NDUFV3: variants seen among roughly 807,000 people sequenced by gnomAD.
NDUFV3 encodes NADH:ubiquinone oxidoreductase subunit V3.
In NDUFV3, 44 loss-of-function variants were observed where a neutral mutation model predicts 37.5. The observed-to-expected ratio is 1.17, with a 90% CI of 0.92 to 1.51. The LOEUF (loss-of-function observed/expected upper bound fraction) is 1.51, where lower values mean the gene tolerates loss of function less well. NDUFV3 is among the 40% of genes most tolerant of loss of function. The pLI is 0.00. For missense variants in NDUFV3, 580 were observed against 580.4 expected (o/e 1.00, Z 0.01); for synonymous variants, 235 against 239.3 (o/e 0.98, Z 0.17).
intron 2 of NDUFV3, among the ~76,000 whole-genome samples, chr21:42,898,506 G>C (rs2058704347): frequency 6.6e-6 from 1 of 151,762 alleles, no homozygotes; most frequent in Admixed American, 6.6e-5. Flanking sequence ...GTCTTGCTCT[G>C]TCACCCAGGC....
chr21:42,896,613 C>A (rs753544926), intron 1 of NDUFV3, among the ~76,000 whole-genome samples: 9 of 151,982 alleles, frequency 5.9e-5, no homozygotes, highest in Non-Finnish European at 7.4e-5. Context: ...GCTTCAGGAT[C>A]GCTTGAGGCC....
chr21:42,912,268 T>C lies in NDUFV3; in HGVS notation c.*3247T>C, dbSNP rs2146172408. On this transcript the variant is annotated 3_prime_UTR_variant, in exon 4 of 4. Coordinates refer to ENST00000354250, the MANE Select transcript of NDUFV3 (RefSeq NM_021075.4). ...AAAAATAAAGTTCTTCCCTTAGAAC[T>C]AGTCCTGTTGGGCTAGTCTTTCTGG... 1 of 152,310 alleles carries C rather than the reference T, an allele frequency of 6.6e-6. No individual in the cohort carries two copies. The highest frequency in any genetic ancestry group is 1.5e-5 in the Non-Finnish European group (1 of 68,026). The allele number at this position is 152,310 out of a possible 1,614,324, so 9.4% of individuals were successfully genotyped here.
chr21:42,895,212 G>A (rs1231886572), intron 1 of NDUFV3, among the ~76,000 whole-genome samples: 3 of 152,126 alleles, frequency 2.0e-5, no homozygotes, highest in Non-Finnish European at 2.9e-5. Flanking sequence ...GCCAAGCGCG[G>A]TAGCTCACAC....
rs1410158458 is a variant in NDUFV3, at chr21:42,911,069, C to T, written c.*2048C>T. 6.6e-6 allele frequency: 1 copy of T among 152,220 alleles called. No individual in the cohort carries two copies. The highest frequency in any genetic ancestry group is 1.5e-5 in the Non-Finnish European group (1 of 68,106). 9.4% of individuals were successfully genotyped at this position (152,220 alleles called of 1,614,324 possible). A position where few individuals can be genotyped will look rare whatever the true frequency, so the allele number is the denominator to read the frequency against. On this transcript the variant is annotated 3_prime_UTR_variant, in exon 4 of 4. Transcript: ENST00000354250. Reference sequence around the variant, plus strand: ...ACCAGCCTGGCCAACATGGTGAAACCCTGTGTCTACTAAAAATACAAAAAT... The same window carrying T: ...ACCAGCCTGGCCAACATGGTGAAACTCTGTGTCTACTAAAAATACAAAAAT...
chr21:42,894,416 ATATAT>A lies in NDUFV3; in HGVS notation c.48+1041_48+1045del, dbSNP rs1187871569. Among the ~76,000 whole-genome samples the A allele has an allele frequency of 5.3e-4, 25 of 46,740 alleles. 4 individuals are homozygous for A. Among genetic ancestry groups the A allele is most frequent in the East Asian group, 1.3e-3 (4 of 3,098 alleles). 30.7% of individuals were successfully genotyped at this position (46,740 alleles called of 152,430 possible). On this transcript the variant is annotated intron_variant, in intron 1 of 3. Transcript: ENST00000354250. ...ATATTATATATTTATATAATATATA[ATATAT>A]TATATAAATATATATTATATAATAT...
Position 42,912,715 on chromosome 21 carries a change from A to T in NDUFV3, c.*3694A>T, listed in dbSNP as rs1001378140. The T allele has an allele frequency of 2.6e-5, 4 of 152,122 alleles. No individual in the cohort carries two copies. The highest frequency in any genetic ancestry group is 5.9e-5 in the Non-Finnish European group (4 of 68,100). The allele number at this position is 152,122 out of a possible 1,614,324, so 9.4% of individuals were successfully genotyped here. The stretch of plus-strand genomic sequence containing the variant: ...AGACCATCCTGGATAACACGGTGAA[A>T]CCCCGTCTCTATTAAAAATACAAAA... On this transcript the variant is annotated 3_prime_UTR_variant, in exon 4 of 4. Coordinates refer to ENST00000354250, the MANE Select transcript of NDUFV3 (RefSeq NM_021075.4).
chr21:42,903,518 A>G lies in NDUFV3; in HGVS notation c.506A>G (p.Asp169Gly), dbSNP rs781053767. 3.0e-5 allele frequency: 49 copies of G among 1,614,060 alleles called. No homozygotes were observed. In the South Asian group the frequency reaches 5.2e-4, roughly 17 times the overall value. ...GATTCTGAATCTGATGATGAGGCTG[A>G]CGTTTCAGAGGTCACTCCTCGAGTG... ...SSDSESDDEA[D>G]VSEVTPRVVS... Residue 169 changes from aspartate (D) to glycine (G), a missense_variant, in exon 3 of 4, where the codon GAC becomes GGC. Physicochemically the swap from Asp to Gly is moderately conservative, Grantham distance 94 (BLOSUM62 -1). Transcript: ENST00000354250.
chr21:42,896,494 C>T (rs947155177), intron 1 of NDUFV3, among the ~76,000 whole-genome samples: 3 of 151,848 alleles, frequency 2.0e-5, no homozygotes, highest in African/African-American at 7.3e-5. Flanking sequence ...CCAGGCTGGT[C>T]TCAGAACTCC....
At position 42,901,937 on chromosome 21, in the gene NDUFV3, G is replaced by A. The variant is rs1415348899; in HGVS notation, c.170-1245G>A. 2.6e-5 allele frequency among the ~76,000 whole-genome samples: 4 copies of A among 152,198 alleles called. No homozygotes were observed. The South Asian group carries it at 6.2e-4, about 24-fold the overall frequency. ...TATTTAAAAATAAAATGCCGGGCACGGTGGCTCACGCCTGTAATCCCAGCA... is the reference window on the plus strand; with the variant it reads ...TATTTAAAAATAAAATGCCGGGCACAGTGGCTCACGCCTGTAATCCCAGCA... On this transcript the variant is annotated intron_variant, in intron 2 of 3. Coordinates refer to ENST00000354250, the MANE Select transcript of NDUFV3 (RefSeq NM_021075.4).
rs1176127080 is a variant in NDUFV3, at chr21:42,893,345, G to A, written c.12G>A (p.Pro4=). MAA[P]CLLRQGRAGA... ...CCGCTGTCACCGCCATGGCTGCCCC[G>A]TGTTTGCTGCGGCAAGGACGAGCCG... Residue 4 remains proline (P), a synonymous_variant, in exon 1 of 4, where the codon CCG becomes CCA. Transcript: ENST00000354250. 4 of 1,538,506 alleles carry A rather than the reference G, an allele frequency of 2.6e-6. No individual in the cohort carries two copies. Among genetic ancestry groups the A allele is most frequent in the Non-Finnish European group, 3.5e-6 (4 of 1,146,402 alleles).
rs1428906007 is a variant in NDUFV3, at chr21:42,910,862, G to A, written c.*1841G>A. ...TTTAAGTCACACCTTTGGGGGCAATGTGGGGGGCTCCTGTGCATCACATGG... is the reference window on the plus strand; with the variant it reads ...TTTAAGTCACACCTTTGGGGGCAATATGGGGGGCTCCTGTGCATCACATGG... On this transcript the variant is annotated 3_prime_UTR_variant, in exon 4 of 4. Transcript: ENST00000354250. 6.5e-6 allele frequency: 1 copy of A among 153,168 alleles called. No individual in the cohort carries two copies. The highest frequency in any genetic ancestry group is 2.4e-5 in the African/African-American group (1 of 41,468). 9.5% of individuals were successfully genotyped at this position (153,168 alleles called of 1,614,324 possible). A position where few individuals can be genotyped will look rare whatever the true frequency, so the allele number is the denominator to read the frequency against.
intron 1 of NDUFV3, among the ~76,000 whole-genome samples, chr21:42,895,832 C>A (rs896251883): frequency 6.6e-6 from 1 of 151,954 alleles, no homozygotes; most frequent in African/African-American, 2.4e-5. Context: ...TTGTATTTTA[C>A]AAAATGTCCA....
chr21:42,898,952 T>C (rs139435012), intron 2 of NDUFV3, among the ~76,000 whole-genome samples: 15 of 152,342 alleles, frequency 9.8e-5, no homozygotes, highest in African/African-American at 1.4e-4. Context: ...GAGCCCCCTT[T>C]TTAGATACAT....
chr21:42,894,232 C>A (rs188798096), intron 1 of NDUFV3, among the ~76,000 whole-genome samples: 1 of 137,772 alleles, frequency 7.3e-6, no homozygotes, highest in Non-Finnish European at 1.5e-5. Context: ...GCTAAGACCA[C>A]TTCACTCTCT....
intron 2 of NDUFV3, among the ~76,000 whole-genome samples, 164 bp downstream of exon 2, chr21:42,897,211 G>A (rs2058696391): frequency 6.6e-6 from 1 of 152,146 alleles, no homozygotes; most frequent in South Asian, 2.1e-4. Context: ...ACAGATTTTA[G>A]ACCAAACATT....
At position 42,903,374 on chromosome 21, in the gene NDUFV3, T is replaced by C. The variant is rs1418582084; in HGVS notation, c.362T>C (p.Leu121Ser). The C allele has an allele frequency of 1.2e-6, 2 of 1,614,162 alleles. No homozygotes were observed. The highest frequency in any genetic ancestry group is 4.5e-5 in the East Asian group (2 of 44,888). The change falls in exon 3 of 4, where the codon TTG becomes TCG. Residue 121 changes from leucine to serine, a missense_variant. Coordinates refer to ENST00000354250, the MANE Select transcript of NDUFV3 (RefSeq NM_021075.4). ...CCGAAATTTTTGTCAAGAAAGACTT[T>C]GGTAGAGTTTCCACAGAAAGTTCTG... Reference protein sequence around the residue: ...GVPKFLSRKTLVEFPQKVLSP... With the variant: ...GVPKFLSRKTSVEFPQKVLSP...
rs1293825304 is a variant in NDUFV3 at position 42,912,070 on chromosome 21, C to T, written c.*3049C>T. 1 of 151,944 alleles carries T rather than the reference C, an allele frequency of 6.6e-6. No homozygotes were observed. The highest frequency in any genetic ancestry group is 1.5e-5 in the Non-Finnish European group (1 of 68,010). 9.4% of individuals were successfully genotyped at this position (151,944 alleles called of 1,614,324 possible). ...AGCCTGACTAACATGGTGAAACCCC[C>T]TCTCTACTAAAATTACAAAATTAGC... On this transcript the variant is annotated 3_prime_UTR_variant, in exon 4 of 4. Transcript: ENST00000354250.
Position 42,893,353 on chromosome 21 carries a change from T to G in NDUFV3, c.20T>G (p.Leu7Arg), listed in dbSNP as rs2146140915. Reference protein sequence around the residue: MAAPCLLRQGRAGALKT... With the variant: MAAPCLRRQGRAGALKT... ...ACCGCCATGGCTGCCCCGTGTTTGC[T>G]GCGGCAAGGACGAGCCGGGGCGCTG... Residue 7 changes from leucine (L) to arginine (R), a missense_variant, in exon 1 of 4, where the codon CTG (leucine) becomes CGG (arginine). Coordinates refer to ENST00000354250, the MANE Select transcript of NDUFV3 (RefSeq NM_021075.4). 6.5e-7 allele frequency: 1 copy of G among 1,538,270 alleles called. No homozygotes were observed. The highest frequency in any genetic ancestry group is 1.4e-5 in the African/African-American group (1 of 73,052).
chr21:42,903,604 GC>G lies in NDUFV3; in HGVS notation c.598del (p.Arg200GlufsTer55). 1.2e-6 allele frequency: 2 copies of G among 1,613,878 alleles called. No homozygotes were observed. The highest frequency in any genetic ancestry group is 2.2e-5 in the South Asian group (2 of 91,070). On this transcript the variant is annotated frameshift_variant, in exon 3 of 4. Transcript: ENST00000354250. LOFTEE classifies it high-confidence loss of function. ...GGCCTCTCATTCCTTTGAAAACAGAGCCCCCCGAGTTACAGTATCAGCAAAA... is the reference window on the plus strand; with the variant it reads ...GGCCTCTCATTCCTTTGAAAACAGAGCCCCCGAGTTACAGTATCAGCAAAA... ...PEASHSFENR[A>X]PRVTVSAKEK...
Sources: allele counts gnomAD v4.1 joint callset (sites outside exome capture counted in the v4.1 genomes callset), GRCh38; gene constraint gnomAD v4.1.1; transcripts MANE v1.5; gene names NCBI Gene and HGNC (gene_info 2026-07-23, HGNC 2026-07-21).